Variants in ROBO1 observed in about 807,000 individuals in gnomAD.
The protein encoded by ROBO1 is roundabout guidance receptor 1.
ROBO1 carries 149 observed loss-of-function variants against 195.9 expected under a neutral mutation model. The ratio of observed to expected loss-of-function variants is 0.76; its 90% CI spans 0.67 to 0.87. The LOEUF (loss-of-function observed/expected upper bound fraction) is 0.87. ROBO1 is among the 40% of genes least tolerant of loss of function. ROBO1 has a pLI of 0.00. For synonymous variants in ROBO1, 816 were observed against 733.2 expected (o/e 1.11, Z -1.82); for missense variants, 1,933 against 2,068.3 (o/e 0.93, Z 1.27).
At chr3:79,678,548 CAG>C (rs1173502621) in intron 1 of ROBO1, among the ~76,000 whole-genome samples, 3 of 151,974 alleles carry the variant, frequency 2.0e-5, no homozygotes, top group Non-Finnish European at 2.9e-5. Context: ...TGAACATTAT[CAG>C]AGAGTTAAAA....
At chr3:79,080,701 T>C (rs1273801389) in intron 3 of ROBO1, among the ~76,000 whole-genome samples, 1 of 152,110 alleles carries the variant, frequency 6.6e-6, no homozygotes, top group Non-Finnish European at 1.5e-5. Flanking sequence ...GGAAAGGTCA[T>C]GGCCGCTCTA....
At position 79,204,166 on chromosome 3, in the gene ROBO1, A is replaced by C. The variant is rs555653880; in HGVS notation, c.89-78627T>G. Among the ~76,000 whole-genome samples, 3 of 152,310 alleles carry C rather than the reference A, an allele frequency of 2.0e-5. No individual in the cohort carries two copies. In the East Asian group the frequency reaches 5.8e-4, roughly 29 times the overall value. ...GTATACAATGTGTAGTGATCAAATC[A>C]GAGTAACTGTGATATTCATCACTTC... On this transcript the variant is annotated intron_variant, in intron 2 of 30. Coordinates refer to ENST00000464233, the MANE Select transcript of ROBO1 (RefSeq NM_002941.4).
chr3:79,269,675 G>C (rs1200915635), intron 2 of ROBO1, among the ~76,000 whole-genome samples: 1 of 151,590 alleles, frequency 6.6e-6, no homozygotes, highest in Non-Finnish European at 1.5e-5. Context: ...ATTCTCAAAG[G>C]AATATACAGA....
Position 79,256,482 on chromosome 3 carries a change from A to T in ROBO1, c.89-130943T>A, listed in dbSNP as rs558980945. ...GGTGATGGAAATAAGATCTTCCATA[A>T]ATGTGGAATGAGGAAAAATAAGAAT... is the stretch of plus-strand genomic sequence containing the variant. On this transcript the variant is annotated intron_variant, in intron 2 of 30. Coordinates refer to ENST00000464233, the MANE Select transcript of ROBO1 (RefSeq NM_002941.4). Among the ~76,000 whole-genome samples, 13 of 152,310 alleles carry T rather than the reference A, an allele frequency of 8.5e-5. No individual in the cohort carries two copies. The South Asian group carries it at 2.3e-3, about 27-fold the overall frequency.
chr3:78,997,006 T>C (rs2077383493), intron 3 of ROBO1, among the ~76,000 whole-genome samples: 1 of 152,150 alleles, frequency 6.6e-6, no homozygotes, highest in African/African-American at 2.4e-5. Flanking sequence ...CACCTGGCAA[T>C]GTCTGGATAT....
chr3:79,243,596 A>AT (rs1471388062), intron 2 of ROBO1, among the ~76,000 whole-genome samples: 1 of 151,988 alleles, frequency 6.6e-6, no homozygotes. Flanking sequence ...GATGATGAGC[A>AT]TTTTTTCATG....
chr3:78,957,428 A>G (rs544916597), intron 3 of ROBO1, among the ~76,000 whole-genome samples: 1 of 152,274 alleles, frequency 6.6e-6, no homozygotes, highest in Admixed American at 6.5e-5. Flanking sequence ...GTGTGCACTT[A>G]ATCAATGCAT....
At chr3:79,133,707 C>T (rs1411166146) in intron 2 of ROBO1, among the ~76,000 whole-genome samples, 1 of 111,870 alleles carries the variant, frequency 8.9e-6, no homozygotes, top group Non-Finnish European at 1.8e-5. Context: ...CTCCATCCAG[C>T]TTTGTTCCGT....
intron 4 of ROBO1, among the ~76,000 whole-genome samples, chr3:78,902,006 C>T (rs1186110538): frequency 1.3e-5 from 2 of 152,142 alleles, no homozygotes; most frequent in Non-Finnish European, 2.9e-5. Flanking sequence ...TTACAGACCA[C>T]ATCCATCTCA....
chr3:79,412,326 C>G (rs1031378598), intron 2 of ROBO1, among the ~76,000 whole-genome samples: 5 of 152,148 alleles, frequency 3.3e-5, no homozygotes, highest in Non-Finnish European at 5.9e-5. Flanking sequence ...TAGTTCCTAA[C>G]CTGCTCCTGC....
intron 2 of ROBO1, among the ~76,000 whole-genome samples, chr3:79,176,859 G>A (rs2081269656): frequency 6.6e-6 from 1 of 152,076 alleles, no homozygotes; most frequent in Non-Finnish European, 1.5e-5. Context: ...ATTGTCAATG[G>A]ATAGAATATG....
At chr3:79,351,567 T>C (rs2035343134) in intron 2 of ROBO1, among the ~76,000 whole-genome samples, 2 of 152,266 alleles carry the variant, frequency 1.3e-5, no homozygotes, top group Admixed American at 6.5e-5. Flanking sequence ...AGTTTCTTTA[T>C]GTTCCTAATT....
At chr3:78,932,173 A>G (rs918946705) in intron 4 of ROBO1, among the ~76,000 whole-genome samples, 4 of 152,178 alleles carry the variant, frequency 2.6e-5, no homozygotes, top group South Asian at 2.1e-4. Flanking sequence ...GAGGATTAAA[A>G]AGAGTGATCT....
intron 2 of ROBO1, among the ~76,000 whole-genome samples, chr3:79,560,535 T>TTA (rs549034591): frequency 0.062 from 7,165 of 115,116 alleles, 404 homozygotes; most frequent in Admixed American, 0.15. Flanking sequence ...ATAATAATAA[T>TTA]TATATATATA....
At chr3:79,575,427 AATAT>A (rs535487324) in intron 2 of ROBO1, among the ~76,000 whole-genome samples, 1 of 127,982 alleles carries the variant, frequency 7.8e-6, no homozygotes, top group Admixed American at 8.6e-5. Context: ...TATATATATA[AATAT>A]ATATATAACA....
chr3:79,300,969 C>G (rs898749947), intron 2 of ROBO1, among the ~76,000 whole-genome samples: 1 of 152,146 alleles, frequency 6.6e-6, no homozygotes, highest in Non-Finnish European at 1.5e-5. Flanking sequence ...AAACACACCA[C>G]TGGGCTCTAC....
intron 2 of ROBO1, among the ~76,000 whole-genome samples, chr3:79,215,047 A>G (rs1281968634): frequency 6.6e-6 from 1 of 152,052 alleles, no homozygotes; most frequent in Non-Finnish European, 1.5e-5. Context: ...TCCCTTTGCT[A>G]AAATGCATGT....
chr3:79,495,021 GTAGA>G (rs148968468), intron 2 of ROBO1, among the ~76,000 whole-genome samples: 10 of 151,300 alleles, frequency 6.6e-5, no homozygotes, highest in Admixed American at 1.3e-4. Context: ...TGACAGATAG[GTAGA>G]TAGATAGATA....
intron 4 of ROBO1, among the ~76,000 whole-genome samples, chr3:78,761,067 T>A (rs373229465): frequency 6.6e-6 from 1 of 152,114 alleles, no homozygotes; most frequent in East Asian, 1.9e-4. Context: ...TAATCAATAG[T>A]CTAACAGGAA....
Sources: allele counts gnomAD v4.1 joint callset (sites outside exome capture counted in the v4.1 genomes callset), GRCh38; gene constraint gnomAD v4.1.1; transcripts MANE v1.5; gene names NCBI Gene and HGNC (gene_info 2026-07-23, HGNC 2026-07-21).